PAN3: variants seen among roughly 807,000 people sequenced by gnomAD.
PAN3 encodes the protein PAN2-PAN3 deadenylation complex subunit PAN3.
A neutral mutation model predicts 96.2 loss-of-function variants in PAN3; 19 were observed. The ratio of observed to expected loss-of-function variants is 0.20; its 90% confidence interval spans 0.14 to 0.29. The LOEUF (loss-of-function observed/expected upper bound fraction) is 0.29. Ranked by LOEUF, PAN3 falls within the 10% of genes least tolerant of loss-of-function variation. The pLI is 1.00. For synonymous variants in PAN3, 433 were observed against 406.6 expected (o/e 1.06, Z -0.78); for missense variants, 882 against 1,108.1 (o/e 0.80, Z 2.90).
intron 1 of PAN3, among the ~76,000 whole-genome samples, chr13:28,152,895 T>TA (rs2137978533): frequency 6.6e-6 from 1 of 152,312 alleles, no homozygotes; most frequent in Admixed American, 6.5e-5. Context: ...AGATTGTTGA[T>TA]ACCTAGTGTT....
At chr13:28,208,924 G>C (rs1210907175) in intron 5 of PAN3, among the ~76,000 whole-genome samples, 1 of 151,364 alleles carries the variant, frequency 6.6e-6, no homozygotes, top group African/African-American at 2.5e-5. Flanking sequence ...GAAGTTTTTT[G>C]TAAAAATTAT....
chr13:28,142,391 C>CT (rs1869969611), intron 1 of PAN3, among the ~76,000 whole-genome samples: 1 of 152,086 alleles, frequency 6.6e-6, no homozygotes, highest in Non-Finnish European at 1.5e-5. Flanking sequence ...TGGTTTCGAA[C>CT]TCCTGGGCTC....
intron 5 of PAN3, among the ~76,000 whole-genome samples, chr13:28,209,740 G>A (rs911688572): frequency 1.3e-5 from 2 of 151,734 alleles, no homozygotes; most frequent in Admixed American, 6.6e-5. Flanking sequence ...GTCTCCTCCC[G>A]TTTTTCTCCT....
chr13:28,202,061 TTC>T (rs1491375584), intron 5 of PAN3, among the ~76,000 whole-genome samples: 1 of 151,740 alleles, frequency 6.6e-6, no homozygotes, highest in African/African-American at 2.4e-5. Context: ...TATTTTTTTT[TTC>T]CCCCCTGGAT....
At chr13:28,248,215 G>A (rs1208450419) in intron 6 of PAN3, among the ~76,000 whole-genome samples, 2 of 151,970 alleles carry the variant, frequency 1.3e-5, no homozygotes, top group African/African-American at 4.8e-5. Flanking sequence ...TTCTTCTTCA[G>A]GTTGTTCACT....
chr13:28,262,432 T>A (rs1381372603), intron 9 of PAN3, among the ~76,000 whole-genome samples: 2 of 152,270 alleles, frequency 1.3e-5, no homozygotes, highest in Non-Finnish European at 1.5e-5. Flanking sequence ...GTCTAGTGAG[T>A]GTTGTCTCTT....
intron 4 of PAN3, among the ~76,000 whole-genome samples, chr13:28,181,042 G>A (rs999730722): frequency 1.3e-5 from 2 of 152,140 alleles, no homozygotes; most frequent in African/African-American, 4.8e-5. Context: ...TTGTGGATGA[G>A]GAATGTATAG....
intron 5 of PAN3, among the ~76,000 whole-genome samples, chr13:28,201,043 T>C (rs1366400261): frequency 6.7e-5 from 10 of 149,200 alleles, no homozygotes; most frequent in East Asian, 1.9e-4. Flanking sequence ...CTCTCTCTCT[T>C]TTTTTTTTTT....
At chr13:28,241,912 A>G (rs1024301275) in intron 6 of PAN3, among the ~76,000 whole-genome samples, 7 of 152,198 alleles carry the variant, frequency 4.6e-5, no homozygotes, top group African/African-American at 1.2e-4. Flanking sequence ...TCAAGATGAC[A>G]TATGTTTTAT....
intron 6 of PAN3, among the ~76,000 whole-genome samples, chr13:28,251,662 T>C (rs1206869403): frequency 1.3e-5 from 2 of 152,242 alleles, no homozygotes; most frequent in Admixed American, 1.3e-4. Context: ...AGAAATGTCC[T>C]GTATTTACTG....
chr13:28,154,855 C>T (rs1031239695), intron 1 of PAN3, among the ~76,000 whole-genome samples: 2 of 144,314 alleles, frequency 1.4e-5, no homozygotes, highest in Non-Finnish European at 3.0e-5. Context: ...GAGTCTCGCT[C>T]TGTCATCCAG....
At chr13:28,189,164 G>A (rs1876875056) in intron 4 of PAN3, among the ~76,000 whole-genome samples, 1 of 152,188 alleles carries the variant, frequency 6.6e-6, no homozygotes, top group Admixed American at 6.5e-5. Context: ...CTTTTATGAA[G>A]TGGGGCAAAG....
chr13:28,161,967 AAG>A lies in PAN3; in HGVS notation c.431-12301_431-12300del, dbSNP rs771496328. Among the ~76,000 whole-genome samples, 17 of 152,242 alleles carry A rather than the reference AAG, an allele frequency of 1.1e-4. 1 individual carries two copies. The highest frequency in any genetic ancestry group is 2.4e-4 in the Non-Finnish European group (16 of 68,042). ...TTTTATCATTTATTTTAAAATTAAA[AAG>A]AGAAAAACCTACATGGAAAGTTTTT... On this transcript the variant is annotated intron_variant, in intron 1 of 18. Coordinates refer to ENST00000380958, the MANE Select transcript of PAN3 (RefSeq NM_175854.8).
chr13:28,139,208 G>C (rs897605320), intron 1 of PAN3, 121 bp downstream of exon 1: 144 of 1,111,768 alleles, frequency 1.3e-4, no homozygotes, highest in Non-Finnish European at 1.5e-4. Flanking sequence ...CTCCCAAGGC[G>C]GTCTGAGAGG....
At chr13:28,275,934 A>G (rs1048290765) in intron 14 of PAN3, among the ~76,000 whole-genome samples, 1 of 152,174 alleles carries the variant, frequency 6.6e-6, no homozygotes, top group Non-Finnish European at 1.5e-5. Context: ...ATTTTTTAGT[A>G]TGAACTTTTA....
chr13:28,235,696 TAC>T (rs34812975), intron 6 of PAN3, among the ~76,000 whole-genome samples: 96 of 140,710 alleles, frequency 6.8e-4, no homozygotes, highest in South Asian at 2.1e-3. Flanking sequence ...CACACACACA[TAC>T]ACACACACAC....
intron 3 of PAN3, 51 bp downstream of exon 3, chr13:28,176,610 T>C: frequency 6.6e-7 from 1 of 1,526,002 alleles, no homozygotes; most frequent in Non-Finnish European, 9.0e-7. Context: ...TATTTCTTAC[T>C]CTAAAAGTAA....
intron 4 of PAN3, among the ~76,000 whole-genome samples, chr13:28,187,339 C>A (rs1175956980): frequency 6.6e-6 from 1 of 152,062 alleles, no homozygotes; most frequent in African/African-American, 2.4e-5. Flanking sequence ...AAAAATACAA[C>A]AATTTTTTTC....
intron 5 of PAN3, among the ~76,000 whole-genome samples, chr13:28,203,556 G>A (rs192000639): frequency 7.0e-4 from 104 of 148,844 alleles, no homozygotes; most frequent in Admixed American, 2.0e-3. Flanking sequence ...TGACCCACTT[G>A]CCTCAGCCTC....
Sources: gnomAD v4.1 joint callset for allele counts (sites outside exome capture counted in the v4.1 genomes callset) on GRCh38, gnomAD v4.1.1 for gene constraint, MANE v1.5 for transcripts, NCBI Gene and HGNC (gene_info 2026-07-23, HGNC 2026-07-21) for gene names.